The following CNTNAP2 variants were observed in gnomAD, a reference collection of about 807,000 sequenced individuals.
CNTNAP2 encodes the protein contactin-associated protein-like 2.
Under a neutral mutation model 155.2 loss-of-function variants are expected in CNTNAP2, and 98 were observed. The ratio of observed to expected loss-of-function variants is 0.63; its 90% CI spans 0.54 to 0.75. The LOEUF (loss-of-function observed/expected upper bound fraction) is 0.75. CNTNAP2 is among the 30% of genes least tolerant of loss of function. The pLI is 0.00. For missense variants in CNTNAP2, 1,727 were observed against 1,688.1 expected, an observed-to-expected ratio of 1.02 and a Z score of -0.40; for synonymous variants, 651 against 631.2, an observed-to-expected ratio of 1.03 and a Z score of -0.47.
At chr7:146,254,115 A>T (rs1799799706) in intron 1 of CNTNAP2, among the ~76,000 whole-genome samples, 1 of 142,380 alleles carries the variant, frequency 7.0e-6, no homozygotes, top group Non-Finnish European at 1.5e-5. Flanking sequence ...TGTTCAGTGT[A>T]TTCATTGCTA....
At chr7:148,344,368 A>G (rs1798285286) in intron 21 of CNTNAP2, among the ~76,000 whole-genome samples, 1 of 152,192 alleles carries the variant, frequency 6.6e-6, no homozygotes, top group East Asian at 1.9e-4. Flanking sequence ...TCTCTGGGGT[A>G]CACTGTGTGC....
At chr7:148,174,255 G>A (rs1003644737) in intron 18 of CNTNAP2, among the ~76,000 whole-genome samples, 8 of 152,224 alleles carry the variant, frequency 5.3e-5, no homozygotes, top group Non-Finnish European at 7.3e-5. Context: ...TTGGTAGAAT[G>A]ACAGTGGAAC....
intron 3 of CNTNAP2, among the ~76,000 whole-genome samples, chr7:146,996,578 T>C (rs1798311668): frequency 6.6e-6 from 1 of 152,184 alleles, no homozygotes. Context: ...GCACCTTTAA[T>C]AAATGTGTTT....
intron 3 of CNTNAP2, among the ~76,000 whole-genome samples, chr7:147,032,844 A>C (rs989829930): frequency 3.9e-5 from 6 of 152,014 alleles, no homozygotes; most frequent in Non-Finnish European, 8.8e-5. Flanking sequence ...GGAGGCAATA[A>C]AGCCATTAAA....
chr7:147,092,642 T>C (rs1273352324), intron 4 of CNTNAP2, among the ~76,000 whole-genome samples: 1 of 152,172 alleles, frequency 6.6e-6, no homozygotes, highest in East Asian at 1.9e-4. Context: ...TCAGGAAAAG[T>C]AGGCAATCAT....
At chr7:147,319,517 A>G (rs1795305162) in intron 9 of CNTNAP2, among the ~76,000 whole-genome samples, 1 of 152,244 alleles carries the variant, frequency 6.6e-6, no homozygotes, top group Non-Finnish European at 1.5e-5. Context: ...AGCTGGGACT[A>G]TAGGCGTGCA....
chr7:148,008,907 G>A (rs1290523409), intron 15 of CNTNAP2, among the ~76,000 whole-genome samples: 1 of 152,140 alleles, frequency 6.6e-6, no homozygotes, highest in African/African-American at 2.4e-5. Context: ...CTTATCACTG[G>A]GAAACAAGGA....
chr7:148,211,770 G>A (rs115322018), intron 18 of CNTNAP2, among the ~76,000 whole-genome samples: 1,720 of 152,254 alleles, frequency 0.011, 31 homozygotes, highest in African/African-American at 0.04. Context: ...GCACTCTTCA[G>A]TAATCTTTTA....
intron 1 of CNTNAP2, among the ~76,000 whole-genome samples, chr7:146,231,905 AAG>A (rs1276952550): frequency 6.6e-6 from 1 of 152,228 alleles, no homozygotes; most frequent in Non-Finnish European, 1.5e-5. Context: ...ATAATTCAGA[AAG>A]AGAGCTAGTT....
chr7:147,408,542 C>T (rs1288674993), intron 10 of CNTNAP2, among the ~76,000 whole-genome samples: 3 of 152,160 alleles, frequency 2.0e-5, no homozygotes, highest in Non-Finnish European at 4.4e-5. Context: ...GGGCGGATCA[C>T]GAGGTCAGGA....
intron 12 of CNTNAP2, among the ~76,000 whole-genome samples, chr7:147,637,150 G>A (rs1795194241): frequency 6.6e-6 from 1 of 152,150 alleles, no homozygotes; most frequent in Non-Finnish European, 1.5e-5. Flanking sequence ...AAGACCCGCT[G>A]CCATTGAAGG....
chr7:146,502,778 C>T (rs1797325070), intron 1 of CNTNAP2, among the ~76,000 whole-genome samples: 1 of 152,050 alleles, frequency 6.6e-6, no homozygotes, highest in Non-Finnish European at 1.5e-5. Flanking sequence ...AACATGCTGG[C>T]TAATTTTTGT....
At chr7:147,221,006 C>T (rs1803385609) in intron 8 of CNTNAP2, among the ~76,000 whole-genome samples, 1 of 152,250 alleles carries the variant, frequency 6.6e-6, no homozygotes, top group African/African-American at 2.4e-5. Flanking sequence ...TCCACCACAC[C>T]TGGCCACACT....
In CNTNAP2 at chr7:147,562,102, G is replaced by C. The variant is rs538338659; in HGVS notation, c.1778-36G>C. 1.9e-6 allele frequency: 3 copies of C among 1,613,326 alleles called. No individual in the cohort carries two copies. The East Asian group carries it at 6.7e-5, about 36-fold the overall frequency. ...ATTTATCTGGGGAGCCATTTGTTCT[G>C]TGCTGTGCTTATGTAGGATATTTTG... On this transcript the variant is annotated intron_variant, in intron 11 of 23. Transcript: ENST00000361727.
Position 146,163,507 on chromosome 7 carries a change from C to CTATATATATCTA in CNTNAP2, c.97+46542_97+46553dup, listed in dbSNP as rs1418093916. 3.0e-4 allele frequency among the ~76,000 whole-genome samples: 13 copies of CTATATATATCTA among 43,684 alleles called. No individual in the cohort carries two copies. In the South Asian group the frequency reaches 5.8e-3, roughly 19 times the overall value. 28.7% of individuals were successfully genotyped at this position (43,684 alleles called of 152,430 possible). On this transcript the variant is annotated intron_variant, in intron 1 of 23. Transcript: ENST00000361727. Reference sequence around the variant, plus strand: ...TCTATCTATATCTATATCTATATATCTATATATATCTATATATATCTATAT... The same window carrying CTATATATATCTA: ...TCTATCTATATCTATATCTATATATCTATATATATCTATATATATATCTATATATATCTATAT...
chr7:147,763,068 G>A (rs1797330341), intron 13 of CNTNAP2, among the ~76,000 whole-genome samples: 1 of 151,968 alleles, frequency 6.6e-6, no homozygotes, highest in South Asian at 2.1e-4. Flanking sequence ...AGACCAGCCT[G>A]ACTAACATGG....
At chr7:146,235,023 G>T (rs938162158) in intron 1 of CNTNAP2, among the ~76,000 whole-genome samples, 1 of 152,142 alleles carries the variant, frequency 6.6e-6, no homozygotes, top group African/African-American at 2.4e-5. Context: ...ACCTCTGTCA[G>T]CATAGTCTGT....
chr7:147,820,980 G>T (rs1798351053), intron 13 of CNTNAP2, among the ~76,000 whole-genome samples: 1 of 152,154 alleles, frequency 6.6e-6, no homozygotes, highest in African/African-American at 2.4e-5. Flanking sequence ...TGGAAAAAAT[G>T]TACAGATTAA....
intron 1 of CNTNAP2, among the ~76,000 whole-genome samples, chr7:146,274,781 T>G (rs1466054226): frequency 6.6e-6 from 1 of 152,192 alleles, no homozygotes; most frequent in Admixed American, 6.5e-5. Flanking sequence ...CAGGTGTGAT[T>G]CAACAGAAGG....
Sources: allele counts gnomAD v4.1 joint callset (sites outside exome capture counted in the v4.1 genomes callset), GRCh38; gene constraint gnomAD v4.1.1; transcripts MANE v1.5; gene names NCBI Gene and HGNC (gene_info 2026-07-23, HGNC 2026-07-21).